TRPS1: variants seen among roughly 807,000 people sequenced by gnomAD.
TRPS1 encodes zinc finger transcription factor Trps1.
In TRPS1, 6 loss-of-function variants were observed where a neutral mutation model predicts 101.2. That is an observed-to-expected ratio of 0.06 (90% CI 0.03 to 0.12). The LOEUF is 0.12. TRPS1 is among the 10% of genes least tolerant of loss of function. The probability of loss-of-function intolerance (pLI) is 1.00; values close to 1 mark genes in which losing one functional copy is unlikely to be tolerated. For missense variants in TRPS1, 1,363 were observed against 1,567.0 expected, an observed-to-expected ratio of 0.87 and a Z score of 2.20; for synonymous variants, 578 against 589.8, an observed-to-expected ratio of 0.98 and a Z score of 0.29.
At chr8:115,509,118 C>T (rs1815517077) in intron 5 of TRPS1, among the ~76,000 whole-genome samples, 1 of 151,900 alleles carries the variant, frequency 6.6e-6, no homozygotes, top group Non-Finnish European at 1.5e-5. Context: ...AGAAATGTGT[C>T]AGATCATTTC....
chr8:115,511,592 C>T (rs964864184), intron 5 of TRPS1, among the ~76,000 whole-genome samples: 2 of 151,858 alleles, frequency 1.3e-5, no homozygotes, highest in Non-Finnish European at 2.9e-5. Flanking sequence ...CCTAAAATCC[C>T]TGTGACAGAG....
intron 5 of TRPS1, among the ~76,000 whole-genome samples, chr8:115,498,634 G>A (rs1019116544): frequency 4.0e-5 from 6 of 151,674 alleles, no homozygotes; most frequent in Admixed American, 1.3e-4. Flanking sequence ...TTTGAATCCT[G>A]TAGCTACAAA....
At chr8:115,466,530 A>T (rs1042191989) in intron 5 of TRPS1, among the ~76,000 whole-genome samples, 1 of 152,194 alleles carries the variant, frequency 6.6e-6, no homozygotes, top group African/African-American at 2.4e-5. Context: ...CATGAGAAAC[A>T]ATTAGTATGC....
chr8:115,570,438 T>C (rs1260740835), intron 5 of TRPS1, among the ~76,000 whole-genome samples: 4 of 152,046 alleles, frequency 2.6e-5, no homozygotes, highest in African/African-American at 9.7e-5. Context: ...ATAATTCTAT[T>C]CCATTAAAGA....
intron 5 of TRPS1, among the ~76,000 whole-genome samples, chr8:115,500,494 T>C (rs1252987528): frequency 3.3e-5 from 5 of 152,198 alleles, no homozygotes; most frequent in Admixed American, 2.6e-4. Context: ...GTAAAAATCT[T>C]CACCCTGAAC....
In TRPS1 at chr8:115,418,223, C is replaced by G; in HGVS notation, c.2823+107G>C. On this transcript the variant is annotated intron_variant, in intron 6 of 6. Transcript: ENST00000395715. This position sits in a 1 kb window ranked among gnomAD's most constrained non-coding sequence, Gnocchi z 4.3. ...CTCAAAGTGACTGTATTAAAACAAC[C>G]CTGCGGGGGCAGGCACTGCAAGCCA... 6.3e-7 allele frequency: 1 copy of G among 1,594,100 alleles called. No homozygotes were observed. Among genetic ancestry groups the G allele is most frequent in the Admixed American group, 1.7e-5 (1 of 59,910 alleles).
At chr8:115,431,554 A>G (rs1432521711) in intron 5 of TRPS1, among the ~76,000 whole-genome samples, 1 of 151,934 alleles carries the variant, frequency 6.6e-6, no homozygotes, top group Non-Finnish European at 1.5e-5. Flanking sequence ...TCTGGTGGTG[A>G]CTTCCTCCAT....
intron 5 of TRPS1, among the ~76,000 whole-genome samples, chr8:115,537,147 C>A (rs1215558867): frequency 6.6e-6 from 1 of 152,030 alleles, no homozygotes; most frequent in Non-Finnish European, 1.5e-5. Flanking sequence ...CAAAATAAAT[C>A]CAAATATATT....
chr8:115,484,426 T>C (rs1814829225), intron 5 of TRPS1, among the ~76,000 whole-genome samples: 1 of 152,150 alleles, frequency 6.6e-6, no homozygotes, highest in Non-Finnish European at 1.5e-5. Context: ...CATGTCCCCA[T>C]GATAGAAGTA....
Position 115,590,708 on chromosome 8 carries a change from G to T in TRPS1, c.2097-3104C>A, listed in dbSNP as rs191358383. ...TTTGGCTCTGTATTCTACAATGTAAGTAACTTCGAATAATTTACTGAACCT... is the reference window on the plus strand; with the variant it reads ...TTTGGCTCTGTATTCTACAATGTAATTAACTTCGAATAATTTACTGAACCT... On this transcript the variant is annotated intron_variant, in intron 4 of 6. Coordinates refer to ENST00000395715, the MANE Select transcript of TRPS1 (RefSeq NM_014112.5). Among the ~76,000 whole-genome samples the T allele has an allele frequency of 1.1e-4, 17 of 152,290 alleles. 1 individual carries two copies. In the East Asian group the frequency reaches 3.3e-3, roughly 29 times the overall value.
At chr8:115,586,273 T>C (rs1467937816) in intron 5 of TRPS1, among the ~76,000 whole-genome samples, 3 of 152,180 alleles carry the variant, frequency 2.0e-5, no homozygotes, top group Non-Finnish European at 2.9e-5. Flanking sequence ...TAAAATACTT[T>C]TTAACAATGC....
At chr8:115,440,260 G>A (rs1381058582) in intron 5 of TRPS1, among the ~76,000 whole-genome samples, 7 of 152,166 alleles carry the variant, frequency 4.6e-5, no homozygotes, top group Admixed American at 6.5e-5. Flanking sequence ...CACATCATTC[G>A]GGAGTTAATG....
intron 5 of TRPS1, among the ~76,000 whole-genome samples, chr8:115,505,077 AAGAC>A (rs1490801102): frequency 1.3e-5 from 2 of 152,114 alleles, no homozygotes; most frequent in Admixed American, 1.3e-4. Context: ...AAATAAATAA[AAGAC>A]AGCCCTTTCC....
intron 4 of TRPS1, among the ~76,000 whole-genome samples, chr8:115,588,509 C>T (rs918697901): frequency 6.6e-6 from 1 of 152,106 alleles, no homozygotes; most frequent in Non-Finnish European, 1.5e-5. Flanking sequence ...TTATCAAATT[C>T]CCTACCATCT....
chr8:115,428,644 AT>A (rs962118312), intron 5 of TRPS1, among the ~76,000 whole-genome samples: 1 of 152,222 alleles, frequency 6.6e-6, no homozygotes, highest in African/African-American at 2.4e-5. Context: ...CAAATATGCA[AT>A]TTGGATTAAA....
chr8:115,601,866 T>C (rs954046359), intron 4 of TRPS1, among the ~76,000 whole-genome samples: 1 of 152,194 alleles, frequency 6.6e-6, no homozygotes, highest in Non-Finnish European at 1.5e-5. Context: ...CCATTAGGCA[T>C]CCTGCCACTG....
rs1812853273 is a variant in TRPS1, at chr8:115,414,103, A to G, written c.3805T>C (p.Tyr1269His). The G allele has an allele frequency of 6.2e-7, 1 of 1,613,816 alleles. No individual in the cohort carries two copies. The highest frequency in any genetic ancestry group is 8.5e-7 in the Non-Finnish European group (1 of 1,179,900). The stretch of plus-strand genomic sequence containing the variant: ...CTCTGGATATGTGTTGTGAAGTCAT[A>G]TTTGTCCGTGCAAAGATGCTGGCAT... ...SICQHLCTDK[Y>H]DFTTHIQRGL... Residue 1269 changes from tyrosine (Y) to histidine (H), a missense_variant, in exon 7 of 7, where the codon TAT becomes CAT. By Grantham distance (83) the Tyr-to-His change is moderately conservative (BLOSUM62 2). Around this residue, in one of 5 missense-constraint regions of TRPS1, gnomAD observed 307 missense variants for 392.4 expected, o/e 0.78. Transcript: ENST00000395715. This position sits in a 1 kb window ranked among gnomAD's most constrained non-coding sequence, Gnocchi z 4.8.
At chr8:115,583,143 T>C (rs1817488562) in intron 5 of TRPS1, among the ~76,000 whole-genome samples, 1 of 152,212 alleles carries the variant, frequency 6.6e-6, no homozygotes, top group East Asian at 1.9e-4. Context: ...CAATGGAATA[T>C]CCAATCTAAA....
At chr8:115,498,617 A>C (rs1815227092) in intron 5 of TRPS1, among the ~76,000 whole-genome samples, 1 of 151,794 alleles carries the variant, frequency 6.6e-6, no homozygotes, top group African/African-American at 2.4e-5. Context: ...GAAGCCATGC[A>C]TATATATTTG....
Sources: gnomAD v4.1 joint callset for allele counts (sites outside exome capture counted in the v4.1 genomes callset) on GRCh38, gnomAD v4.1.1 for gene constraint, gnomAD v4.1.1 regional missense constraint, Gnocchi (gnomAD v3.1) non-coding constraint, MANE v1.5 for transcripts, NCBI Gene and HGNC (gene_info 2026-07-23, HGNC 2026-07-21) for gene names.